Variants in SCAI observed in about 807,000 individuals in gnomAD.
SCAI encodes suppressor of cancer cell invasion.
SCAI carries 24 observed loss-of-function variants against 92.2 expected under a neutral mutation model. That is an observed-to-expected ratio of 0.26 (90% CI 0.19 to 0.37). The LOEUF is 0.37. SCAI is among the 10% of genes least tolerant of loss of function. SCAI has a pLI of 1.00. For synonymous variants in SCAI, 261 were observed against 258.6 expected (o/e 1.01, Z -0.09); for missense variants, 450 against 736.2 (o/e 0.61, Z 4.50).
rs1369205116 is a variant in SCAI, at chr9:125,119,822, A to G, written c.98+22811T>C. Among the ~76,000 whole-genome samples, 3 of 152,148 alleles carry G rather than the reference A, an allele frequency of 2.0e-5. No individual in the cohort carries two copies. The East Asian group carries it at 5.8e-4, about 29-fold the overall frequency. On this transcript the variant is annotated intron_variant, in intron 2 of 17. Coordinates refer to ENST00000336505, the MANE Select transcript of SCAI (RefSeq NM_001144877.3). ...TTAGGATCTGCTTTTAGGACAGCTC[A>G]CTCACATGGCTGGCAAGCTGATCCC...
intron 2 of SCAI, among the ~76,000 whole-genome samples, chr9:125,086,958 G>C (rs576134356): frequency 6.6e-6 from 1 of 152,298 alleles, no homozygotes; most frequent in South Asian, 2.1e-4. Context: ...TAAATGTTAT[G>C]TAAGTAATAC....
intron 2 of SCAI, among the ~76,000 whole-genome samples, chr9:125,125,135 C>T (rs748953500): frequency 2.0e-5 from 3 of 152,092 alleles, no homozygotes; most frequent in Non-Finnish European, 4.4e-5. Flanking sequence ...GCAGGAGAAT[C>T]GCTTAAATCC....
intron 3 of SCAI, among the ~76,000 whole-genome samples, chr9:125,036,640 G>C (rs1037219838): frequency 1.3e-5 from 2 of 151,894 alleles, no homozygotes; most frequent in African/African-American, 2.4e-5. Context: ...TTTTTGAATT[G>C]GTAATTTATA....
chr9:125,121,477 G>T (rs1388129391), intron 2 of SCAI, among the ~76,000 whole-genome samples: 3 of 151,930 alleles, frequency 2.0e-5, no homozygotes, highest in African/African-American at 7.3e-5. Context: ...TTTCCACTTT[G>T]GAAATGGCTA....
chr9:125,022,650 G>A (rs761279895), intron 6 of SCAI, among the ~76,000 whole-genome samples: 14 of 152,080 alleles, frequency 9.2e-5, no homozygotes, highest in African/African-American at 3.1e-4. Context: ...ACTCCTGGCC[G>A]CAAGCAATCT....
intron 14 of SCAI, among the ~76,000 whole-genome samples, chr9:124,981,293 G>T (rs756453742): frequency 6.6e-6 from 1 of 152,032 alleles, no homozygotes; most frequent in African/African-American, 2.4e-5. Context: ...AAATCATACC[G>T]TCTGCAACTA....
At chr9:125,062,848 T>C (rs1833796541) in intron 2 of SCAI, among the ~76,000 whole-genome samples, 1 of 148,362 alleles carries the variant, frequency 6.7e-6, no homozygotes, top group African/African-American at 2.5e-5. Flanking sequence ...GGTGAAACCC[T>C]GTCTCTACTA....
chr9:124,959,292 G>GAAA (rs371851172), intron 17 of SCAI, among the ~76,000 whole-genome samples: 5 of 128,392 alleles, frequency 3.9e-5, no homozygotes, highest in African/African-American at 1.4e-4. Flanking sequence ...CATTTCAAAT[G>GAAA]AAAAAAAAAA....
chr9:124,981,023 T>C (rs1026325746), intron 14 of SCAI, among the ~76,000 whole-genome samples: 8 of 152,346 alleles, frequency 5.3e-5, no homozygotes, highest in East Asian at 3.9e-4. Context: ...TTAACTCCCA[T>C]AGGATAATCT....
At chr9:125,019,350 A>C (rs1161401826) in intron 7 of SCAI, 145 bp from the exon 8 acceptor site, 1 of 549,076 alleles carries the variant, frequency 1.8e-6, no homozygotes, top group African/African-American at 2.0e-5. Context: ...CAAAAAACAA[A>C]GATGAAAACT....
intron 1 of SCAI, 82 bp from the exon 2 acceptor site, chr9:125,142,759 T>C: frequency 8.4e-7 from 1 of 1,186,814 alleles, no homozygotes. Context: ...AGTCAAGAAC[T>C]AAATAGACCA....
At chr9:125,108,783 C>T (rs933794911) in intron 2 of SCAI, among the ~76,000 whole-genome samples, 1 of 151,872 alleles carries the variant, frequency 6.6e-6, no homozygotes. Flanking sequence ...AGGTGGGGGG[C>T]GCCTCTGCCC....
chr9:125,031,365 C>T (rs563976648), intron 3 of SCAI, among the ~76,000 whole-genome samples: 52 of 151,970 alleles, frequency 3.4e-4, no homozygotes, highest in African/African-American at 1.1e-3. Context: ...AGGTTCATGC[C>T]ATTCTCCTGC....
At chr9:124,968,689 T>C in intron 17 of SCAI, 1 of 1,372,724 alleles carries the variant, frequency 7.3e-7, no homozygotes, top group Non-Finnish European at 1.0e-6. Context: ...GTTCCCGATT[T>C]CCTCAAATTC....
At position 125,143,489 on chromosome 9, in the gene SCAI, G is replaced by C. The variant is rs1020808848; in HGVS notation, c.-52C>G. 4.2e-5 allele frequency: 55 copies of C among 1,307,332 alleles called. No individual in the cohort carries two copies. The highest frequency in any genetic ancestry group is 4.9e-5 in the Non-Finnish European group (50 of 1,026,368). 81.0% of individuals were successfully genotyped at this position (1,307,332 alleles called of 1,614,324 possible). A position where few individuals can be genotyped will look rare whatever the true frequency, so the allele number is the denominator to read the frequency against. ...GCTCCGGCGGCCGCAGGGCTCGCTCGGGAAGCTGAGGCGGCGGAGGCTGGA... is the reference window on the plus strand; with the variant it reads ...GCTCCGGCGGCCGCAGGGCTCGCTCCGGAAGCTGAGGCGGCGGAGGCTGGA... On this transcript the variant is annotated 5_prime_UTR_variant, in exon 1 of 18. Coordinates refer to ENST00000336505, the MANE Select transcript of SCAI (RefSeq NM_001144877.3).
chr9:125,040,792 A>AT (rs57170806), intron 3 of SCAI, among the ~76,000 whole-genome samples: 25,392 of 142,700 alleles, frequency 0.18, 2,250 homozygotes, highest in East Asian at 0.24. Flanking sequence ...TGTCCAATTA[A>AT]TTTTTTTTTT....
intron 17 of SCAI, among the ~76,000 whole-genome samples, chr9:124,964,865 T>C: frequency 6.6e-6 from 1 of 152,260 alleles, no homozygotes; most frequent in South Asian, 2.1e-4. Flanking sequence ...CAAGGTGCAT[T>C]AGCAGCTTTA....
At chr9:125,059,490 A>C (rs565983101) in intron 2 of SCAI, among the ~76,000 whole-genome samples, 1 of 152,350 alleles carries the variant, frequency 6.6e-6, no homozygotes, top group African/African-American at 2.4e-5. Flanking sequence ...GGTGAACAAA[A>C]TACAAACACA....
chr9:125,018,666 C>T (rs761120372), intron 9 of SCAI, 133 bp downstream of exon 9: 7 of 710,704 alleles, frequency 9.8e-6, no homozygotes, highest in Non-Finnish European at 1.4e-5. Flanking sequence ...TCCATATATG[C>T]ACACAGCATA....
Sources: gnomAD v4.1 joint callset for allele counts (sites outside exome capture counted in the v4.1 genomes callset) on GRCh38, gnomAD v4.1.1 for gene constraint, MANE v1.5 for transcripts, NCBI Gene and HGNC (gene_info 2026-07-23, HGNC 2026-07-21) for gene names.